ABLIM3: variants seen among roughly 807,000 people sequenced by gnomAD.
The protein encoded by ABLIM3 is actin binding LIM protein family member 3.
ABLIM3 carries 61 observed loss-of-function variants against 109.5 expected under a neutral mutation model. The ratio of observed to expected loss-of-function variants is 0.56; its 90% CI spans 0.45 to 0.69. The LOEUF (loss-of-function observed/expected upper bound fraction) is 0.69. ABLIM3 is among the 30% of genes least tolerant of loss of function. ABLIM3 has a pLI of 0.00. For synonymous variants in ABLIM3, 300 were observed against 324.8 expected, an observed-to-expected ratio of 0.92 and a Z score of 0.82; for missense variants, 796 against 889.5, an observed-to-expected ratio of 0.89 and a Z score of 1.34.
At chr5:149,247,225 C>T (rs1159662603) in intron 17 of ABLIM3, among the ~76,000 whole-genome samples, 1 of 152,196 alleles carries the variant, frequency 6.6e-6, no homozygotes, top group Non-Finnish European at 1.5e-5. Flanking sequence ...GATTCCATTT[C>T]CATGAAATAT....
At chr5:149,188,498 A>G (rs1757181435) in intron 3 of ABLIM3, among the ~76,000 whole-genome samples, 2 of 152,366 alleles carry the variant, frequency 1.3e-5, no homozygotes, top group South Asian at 4.1e-4. Flanking sequence ...ACAAGGCCTA[A>G]ATAAATGGAA....
At chr5:149,143,115 A>G (rs1752634889) in intron 2 of ABLIM3, among the ~76,000 whole-genome samples, 1 of 152,110 alleles carries the variant, frequency 6.6e-6, no homozygotes, top group Admixed American at 6.5e-5. Flanking sequence ...CTGTAATCCC[A>G]GCACTTTGGG....
intron 10 of ABLIM3, among the ~76,000 whole-genome samples, chr5:149,234,350 C>T (rs1388145109): frequency 2.6e-5 from 4 of 152,162 alleles, no homozygotes; most frequent in African/African-American, 9.7e-5. Context: ...GCCAAAGGAG[C>T]CAAGAAGACC....
chr5:149,144,960 A>C (rs532207569), intron 2 of ABLIM3, among the ~76,000 whole-genome samples: 36 of 152,348 alleles, frequency 2.4e-4, no homozygotes, highest in South Asian at 1.7e-3. Context: ...GGCAGGTTTC[A>C]AATTCTGCAA....
At chr5:149,248,877 C>T (rs908156828) in intron 18 of ABLIM3, among the ~76,000 whole-genome samples, 3,645 of 70,870 alleles carry the variant, frequency 0.051, 168 homozygotes, top group African/African-American at 0.1. Context: ...CACACACACA[C>T]ACACACACAC....
chr5:149,142,214 T>G, intron 2 of ABLIM3, 106 bp downstream of exon 2: 2 of 1,509,258 alleles, frequency 1.3e-6, no homozygotes, highest in Non-Finnish European at 1.8e-6. Context: ...CTGGCATCTC[T>G]GGACACATGA....
chr5:149,235,251 A>G (rs1762235016), intron 10 of ABLIM3, among the ~76,000 whole-genome samples: 1 of 152,236 alleles, frequency 6.6e-6, no homozygotes, highest in Non-Finnish European at 1.5e-5. Flanking sequence ...AAAAAAATTC[A>G]TCCATCTGCT....
At chr5:149,188,488 A>G (rs1757179700) in intron 3 of ABLIM3, among the ~76,000 whole-genome samples, 1 of 152,252 alleles carries the variant, frequency 6.6e-6, no homozygotes, top group African/African-American at 2.4e-5. Context: ...AAAATGTTAA[A>G]CAAGGCCTAA....
intron 6 of ABLIM3, among the ~76,000 whole-genome samples, chr5:149,207,474 A>G (rs1175749306): frequency 1.3e-5 from 2 of 152,134 alleles, no homozygotes. Flanking sequence ...ACAGGCTACC[A>G]CCATTGGTAA....
chr5:149,259,108 C>G lies in ABLIM3; in HGVS notation c.*704C>G. ...AAAGGCCCTTCCCTTCCCTCCACCA[C>G]TTCCAACTGGCCCCTTTGCCTGACC... On this transcript the variant is annotated 3_prime_UTR_variant, in exon 24 of 24. Coordinates refer to ENST00000309868, the MANE Select transcript of ABLIM3 (RefSeq NM_014945.5). The G allele has an allele frequency of 9.9e-7, 1 of 1,013,844 alleles. No individual in the cohort carries two copies. Among genetic ancestry groups the G allele is most frequent in the Non-Finnish European group, 1.2e-6 (1 of 847,350 alleles). The allele number at this position is 1,013,844 out of a possible 1,614,324, so 62.8% of individuals were successfully genotyped here.
intron 2 of ABLIM3, among the ~76,000 whole-genome samples, chr5:149,161,575 G>C (rs375398035): frequency 1.3e-5 from 2 of 152,196 alleles, no homozygotes; most frequent in Non-Finnish European, 2.9e-5. Context: ...TCCTGGAGTC[G>C]ACTGGGGACA....
At chr5:149,219,217 C>T (rs758466275) in intron 8 of ABLIM3, 11 of 152,270 alleles carry the variant, frequency 7.2e-5, no homozygotes, top group Non-Finnish European at 1.2e-4. Context: ...ATGCCAACCA[C>T]GTGCTTCTTC....
At chr5:149,212,115 A>G (rs1759614371) in intron 7 of ABLIM3, among the ~76,000 whole-genome samples, 1 of 152,224 alleles carries the variant, frequency 6.6e-6, no homozygotes. Context: ...ACTCAGTGCA[A>G]TGGAAAGCCA....
At position 149,164,575 on chromosome 5, in the gene ABLIM3, C is replaced by T. The variant is rs145908200; in HGVS notation, c.14-18877C>T. On this transcript the variant is annotated intron_variant, in intron 2 of 23. Transcript: ENST00000309868. ...TACCCTGGACCCCCTGAGTCAAAAA[C>T]CCTGGGTCATGTGTTATAACAAGAC... is the stretch of plus-strand genomic sequence containing the variant. Among the ~76,000 whole-genome samples, 1,025 of 152,202 alleles carry T rather than the reference C, an allele frequency of 6.7e-3. 19 individuals carry two copies. Among genetic ancestry groups the T allele is most frequent in the African/African-American group, 0.023 (936 of 41,516 alleles).
chr5:149,253,419 TG>T (rs1271606309), intron 23 of ABLIM3, among the ~76,000 whole-genome samples: 2 of 152,194 alleles, frequency 1.3e-5, no homozygotes, highest in Non-Finnish European at 1.5e-5. Context: ...TTTTCTTCTC[TG>T]TAAAGTGAGG....
chr5:149,222,425 T>C (rs945322760), intron 8 of ABLIM3, among the ~76,000 whole-genome samples: 4 of 152,136 alleles, frequency 2.6e-5, no homozygotes, highest in African/African-American at 9.6e-5. Context: ...GGTCAGCCTT[T>C]TGAACTCTAT....
At chr5:149,238,235 T>C (rs1752433669) in intron 11 of ABLIM3, among the ~76,000 whole-genome samples, 1 of 152,188 alleles carries the variant, frequency 6.6e-6, no homozygotes, top group Admixed American at 6.5e-5. Flanking sequence ...AGAATTACCC[T>C]GGAGGTCCTG....
At chr5:149,251,284 T>C in intron 20 of ABLIM3, 75 bp from the exon 21 acceptor site, 3 of 1,564,094 alleles carry the variant, frequency 1.9e-6, no homozygotes, top group Non-Finnish European at 2.6e-6. Context: ...GTCCATTTTC[T>C]GGAGGTGGGT....
intron 18 of ABLIM3, among the ~76,000 whole-genome samples, chr5:149,248,342 A>G (rs1753593350): frequency 6.6e-6 from 1 of 152,060 alleles, no homozygotes; most frequent in Non-Finnish European, 1.5e-5. Context: ...CTGAGCAGTC[A>G]CTCCCATTGC....
Sources: gnomAD v4.1 joint callset for allele counts (sites outside exome capture counted in the v4.1 genomes callset) on GRCh38, gnomAD v4.1.1 for gene constraint, MANE v1.5 for transcripts, NCBI Gene and HGNC (gene_info 2026-07-23, HGNC 2026-07-21) for gene names.